INTS8: variants seen among roughly 807,000 people sequenced by gnomAD.
INTS8 encodes protein kaonashi-1.
A neutral mutation model predicts 138.9 loss-of-function variants in INTS8; 47 were observed. That is an observed-to-expected ratio of 0.34 (90% CI 0.27 to 0.43). The LOEUF (loss-of-function observed/expected upper bound fraction) is 0.43. INTS8 is among the 20% of genes least tolerant of loss of function. INTS8 has a pLI of 1.00. For missense variants in INTS8, 996 were observed against 1,173.0 expected (o/e 0.85, Z 2.20); for synonymous variants, 392 against 400.9 (o/e 0.98, Z 0.27).
chr8:94,840,913 ATT>A (rs59714366), intron 8 of INTS8, among the ~76,000 whole-genome samples: 71 of 131,458 alleles, frequency 5.4e-4, no homozygotes, highest in South Asian at 5.1e-3. Flanking sequence ...GAGAATAATA[ATT>A]TTTTTTTTTT....
In INTS8 at chr8:94,850,098, T is replaced by C. The variant is rs771887709; in HGVS notation, c.1507+7T>C. The C allele has an allele frequency of 6.4e-7, 1 of 1,570,500 alleles. No individual in the cohort carries two copies. Among genetic ancestry groups the C allele is most frequent in the Admixed American group, 1.8e-5 (1 of 54,508 alleles). ...TCATTTTATGATATCCCAGGTTAGC[T>C]CTCTAGTCGGCCAGCCAAAATGTTG... On this transcript the variant is annotated splice_region_variant and intron_variant, in intron 12 of 26. Coordinates refer to ENST00000523731, the MANE Select transcript of INTS8 (RefSeq NM_017864.4).
chr8:94,838,435 A>G (rs1191308312), intron 7 of INTS8, 28 bp from the exon 8 acceptor site: 7 of 1,560,984 alleles, frequency 4.5e-6, no homozygotes, highest in Non-Finnish European at 6.2e-6. Context: ...ACATGAATGG[A>G]TAATGGTGTA....
In INTS8 at chr8:94,840,868, A is replaced by AT. The variant is rs530588043; in HGVS notation, c.1018-616dup. On this transcript the variant is annotated intron_variant, in intron 8 of 26. Coordinates refer to ENST00000523731, the MANE Select transcript of INTS8 (RefSeq NM_017864.4). ...CACCGTGTCTGGCCATTTAATTAGTATTTTTTTAGTTTGTTTTATGAGCTT... is the reference window on the plus strand; with the variant it reads ...CACCGTGTCTGGCCATTTAATTAGTATTTTTTTTAGTTTGTTTTATGAGCTT... Among the ~76,000 whole-genome samples, 148 of 146,260 alleles carry AT rather than the reference A, an allele frequency of 1.0e-3. 1 individual carries two copies. Among genetic ancestry groups the AT allele is most frequent in the African/African-American group, 3.5e-3 (138 of 39,670 alleles).
intron 8 of INTS8, among the ~76,000 whole-genome samples, chr8:94,840,594 G>T (rs531658428): frequency 6.1e-4 from 75 of 123,118 alleles, no homozygotes; most frequent in African/African-American, 2.3e-3. Context: ...GTCTCACTCT[G>T]TTGCCCAGGC....
intron 8 of INTS8, among the ~76,000 whole-genome samples, chr8:94,840,257 T>A (rs951539729): frequency 3.3e-5 from 5 of 152,270 alleles, no homozygotes; most frequent in Admixed American, 2.0e-4. Context: ...TGTGGAGCCC[T>A]GCCTTGCTCA....
At position 94,838,627 on chromosome 8, in the gene INTS8, T is replaced by G; in HGVS notation, c.1017+9T>G. 6.3e-7 allele frequency: 1 copy of G among 1,599,568 alleles called. No individual in the cohort carries two copies. Among genetic ancestry groups the G allele is most frequent in the South Asian group, 1.1e-5 (1 of 90,162 alleles). ...GATCTGGCAACTATCAGGTAAGGTG[T>G]ATGAGGGGGATGCAGTGAAGTTTTG... On this transcript the variant is annotated intron_variant, in intron 8 of 26. Coordinates refer to ENST00000523731, the MANE Select transcript of INTS8 (RefSeq NM_017864.4).
chr8:94,842,316 A>G, intron 9 of INTS8, 31 bp from the exon 10 acceptor site: 1 of 1,439,016 alleles, frequency 6.9e-7, no homozygotes, highest in African/African-American at 1.4e-5. Context: ...AGTAAAAATA[A>G]CATTAGTTGA....
Position 94,864,579 on chromosome 8 carries a change from A to T in INTS8, c.2077-927A>T, listed in dbSNP as rs546889710. The T allele has an allele frequency of 2.0e-5, 3 of 152,328 alleles. No homozygotes were observed. The East Asian group carries it at 5.8e-4, about 29-fold the overall frequency. The allele number at this position is 152,328 out of a possible 1,614,324, so 9.4% of individuals were successfully genotyped here. A position where few individuals can be genotyped will look rare whatever the true frequency, so the allele number is the denominator to read the frequency against. On this transcript the variant is annotated intron_variant, in intron 16 of 26. Transcript: ENST00000523731. ...AGAAATTAGCCGGGCATGGTGACAC[A>T]TGCCTGTAATTCCAGCTACTCAGGA...
intron 6 of INTS8, among the ~76,000 whole-genome samples, chr8:94,834,468 G>A (rs1563644150): frequency 6.6e-6 from 1 of 151,962 alleles, no homozygotes; most frequent in East Asian, 1.9e-4. Flanking sequence ...TCAGCCAAGG[G>A]AGGCCAAGAT....
chr8:94,851,064 A>T (rs1019641422), intron 12 of INTS8, among the ~76,000 whole-genome samples: 1 of 152,212 alleles, frequency 6.6e-6, no homozygotes, highest in Non-Finnish European at 1.5e-5. Flanking sequence ...TGAAGACCGT[A>T]TCTGATATCT....
intron 8 of INTS8, among the ~76,000 whole-genome samples, chr8:94,839,166 T>C (rs780097784): frequency 6.6e-6 from 1 of 151,986 alleles, no homozygotes; most frequent in Admixed American, 6.6e-5. Flanking sequence ...TTGGATGGTC[T>C]GTTAGAAACA....
rs185966333 is a variant in INTS8 at position 94,841,984 on chromosome 8, G to A, written c.1119-363G>A. Among the ~76,000 whole-genome samples the A allele has an allele frequency of 3.6e-3, 553 of 151,616 alleles. 6 individuals carry two copies. Among genetic ancestry groups the A allele is most frequent in the African/African-American group, 0.012 (501 of 41,338 alleles). ...CTCAGGAGGCTGAGGCACGAGAATC[G>A]CTTGAACCCAGGAGGTGGAGGTTGC... On this transcript the variant is annotated intron_variant, in intron 9 of 26. Transcript: ENST00000523731.
chr8:94,856,798 C>A lies in INTS8; in HGVS notation c.1774C>A (p.Leu592Ile), dbSNP rs921518744. Residue 592 changes from leucine to isoleucine, a missense_variant, in exon 15 of 27, where the codon CTC becomes ATC. Transcript: ENST00000523731. Reference sequence around the variant, plus strand: ...ATAGGACTTTTCCCATGCTAAACAGCTCTTTGCTGCTTGTTTGGAGTTGGT... The same window carrying A: ...ATAGGACTTTTCCCATGCTAAACAGATCTTTGCTGCTTGTTTGGAGTTGGT... ...TVKDFSHAKQ[L>I]FAACLELVTE... is the part of the protein sequence containing the mutation. 6.2e-7 allele frequency: 1 copy of A among 1,614,126 alleles called. No homozygotes were observed. Among genetic ancestry groups the A allele is most frequent in the East Asian group, 2.2e-5 (1 of 44,884 alleles).
In INTS8 at chr8:94,870,924, T is replaced by C. The variant is rs1816372758; in HGVS notation, c.2415-960T>C. On this transcript the variant is annotated intron_variant, in intron 20 of 26. Transcript: ENST00000523731. ...TCTCTTCACAGTTCAATCTTCTGAC[T>C]CTGTACCTGAAGGTGTCCACATTTA... 2.0e-5 allele frequency among the ~76,000 whole-genome samples: 3 copies of C among 152,268 alleles called. No individual in the cohort carries two copies. In the South Asian group the frequency reaches 6.2e-4, roughly 32 times the overall value.
rs80298721 is a variant in INTS8 at position 94,824,410 on chromosome 8, A to G, written c.131-483A>G. 3.1e-4 allele frequency among the ~76,000 whole-genome samples: 47 copies of G among 152,276 alleles called. 2 individuals carry two copies. The East Asian group carries it at 8.5e-3, about 27-fold the overall frequency. ...TTTCCGGGTGCCATGCACTGTGCTT[A>G]ATTGCTCACATCCGTTACCTCCTTT... On this transcript the variant is annotated intron_variant, in intron 1 of 26. Coordinates refer to ENST00000523731, the MANE Select transcript of INTS8 (RefSeq NM_017864.4).
At chr8:94,849,018 T>C (rs1815433098) in intron 10 of INTS8, among the ~76,000 whole-genome samples, 2 of 152,158 alleles carry the variant, frequency 1.3e-5, no homozygotes, top group Non-Finnish European at 2.9e-5. Flanking sequence ...TAACTATTCA[T>C]GAATAGCTCA....
chr8:94,874,139 C>T (rs1816495961), intron 22 of INTS8, among the ~76,000 whole-genome samples: 1 of 152,082 alleles, frequency 6.6e-6, no homozygotes, highest in South Asian at 2.1e-4. Context: ...AGTCCTCATA[C>T]TGTATATCAG....
At chr8:94,842,912 C>T (rs1190992443) in intron 10 of INTS8, among the ~76,000 whole-genome samples, 1 of 152,086 alleles carries the variant, frequency 6.6e-6, no homozygotes, top group Non-Finnish European at 1.5e-5. Flanking sequence ...CACTCTACTT[C>T]TTTCTTAACA....
intron 16 of INTS8, among the ~76,000 whole-genome samples, chr8:94,860,709 C>T (rs1383645875): frequency 6.6e-6 from 1 of 150,822 alleles, no homozygotes; most frequent in Non-Finnish European, 1.5e-5. Flanking sequence ...TTAATTGTTC[C>T]TATTACCTTT....
Sources: allele counts gnomAD v4.1 joint callset (sites outside exome capture counted in the v4.1 genomes callset), GRCh38; gene constraint gnomAD v4.1.1; transcripts MANE v1.5; gene names NCBI Gene and HGNC (gene_info 2026-07-23, HGNC 2026-07-21).